PIN4: variants seen among roughly 807,000 people sequenced by gnomAD.
PIN4 encodes the protein peptidylprolyl cis/trans isomerase, NIMA-interacting 4.
Under a neutral mutation model 8.3 loss-of-function variants are expected in PIN4, and 3 were observed. That is an observed-to-expected ratio of 0.36 (90% CI 0.16 to 0.93). PIN4 has a LOEUF of 0.93. Ranked by LOEUF, PIN4 falls within the 40% of genes least tolerant of loss-of-function variation. PIN4 has a pLI of 0.44. For missense variants in PIN4, 75 were observed against 100.6 expected (o/e 0.75, Z 1.09); for synonymous variants, 18 against 32.5 (o/e 0.55, Z 1.52).
At chrX:72,203,146 A>G (rs1337097690), downstream of PIN4, among the ~76,000 whole-genome samples, 2 of 111,727 alleles carry the variant, frequency 1.8e-5, no homozygotes, top group Non-Finnish European at 3.8e-5. Flanking sequence ...AACCTTAACA[A>G]TGGAGTTTGG....
intron 3 of PIN4, among the ~76,000 whole-genome samples, chrX:72,249,324 G>T (rs1305274268): frequency 8.9e-6 from 1 of 112,458 alleles, no homozygotes; most frequent in Non-Finnish European, 1.9e-5. Context: ...TGTTAGCAAA[G>T]ATATGGAACA....
chrX:72,199,805 ATGGACCTC>A (rs59979642), downstream of PIN4, among the ~76,000 whole-genome samples: 28,529 of 111,168 alleles, frequency 0.26, 2,795 homozygotes, highest in East Asian at 0.49. Context: ...TAAGGCAGGA[ATGGACCTC>A]TGACACCAAG....
At chrX:72,231,289 A>G (rs984524935) in intron 3 of PIN4, among the ~76,000 whole-genome samples, 2 of 112,084 alleles carry the variant, frequency 1.8e-5, no homozygotes, top group African/African-American at 6.5e-5. Context: ...AACCTAAAAG[A>G]CATTTTGCTA....
chrX:72,261,984 C>T (rs1431617229), intron 3 of PIN4, among the ~76,000 whole-genome samples: 1 of 110,573 alleles, frequency 9.0e-6, no homozygotes, highest in East Asian at 2.9e-4. Context: ...CCTTTTATCT[C>T]TCTAAGTCCC....
intron 3 of PIN4, among the ~76,000 whole-genome samples, chrX:72,240,088 CAAA>C (rs750258594): frequency 2.1e-5 from 1 of 48,213 alleles, no homozygotes. Flanking sequence ...GACTCCATCT[CAAA>C]AAAAAAAAAA....
At chrX:72,238,696 T>A in intron 3 of PIN4, 1 of 488,736 alleles carries the variant, frequency 2.0e-6, no homozygotes, top group Non-Finnish European at 3.4e-6. Context: ...CAGAGCTGAC[T>A]CCCACACCCT....
intron 1 of PIN4, among the ~76,000 whole-genome samples, chrX:72,185,148 A>AAAAAAAAAG (rs1491329052): frequency 5.5e-5 from 1 of 18,069 alleles, no homozygotes; most frequent in Non-Finnish European, 1.1e-4. Flanking sequence ...ACTCCGTCTC[A>AAAAAAAAAG]AAAAAAAAAA....
intron 3 of PIN4, among the ~76,000 whole-genome samples, chrX:72,217,855 T>C (rs181012110): frequency 2.7e-5 from 3 of 112,079 alleles, no homozygotes; most frequent in African/African-American, 9.7e-5. Context: ...TTCTATTCCA[T>C]TGATCTATAT....
intron 3 of PIN4, among the ~76,000 whole-genome samples, chrX:72,245,564 A>G (rs759646187): frequency 1.8e-5 from 2 of 111,440 alleles, no homozygotes; most frequent in Admixed American, 1.9e-4. Context: ...ATTTGGGGGT[A>G]GGGGATAGAA....
At chrX:72,182,270 G>A (rs1003441114) in intron 1 of PIN4, among the ~76,000 whole-genome samples, 3 of 112,193 alleles carry the variant, frequency 2.7e-5, no homozygotes, top group Non-Finnish European at 5.6e-5. Flanking sequence ...GGCTGGGCGC[G>A]GTGGCTCACG....
At chrX:72,232,683 A>G (rs1445089594) in intron 3 of PIN4, among the ~76,000 whole-genome samples, 1 of 111,201 alleles carries the variant, frequency 9.0e-6, no homozygotes, top group Non-Finnish European at 1.9e-5. Context: ...GGTGGCACCC[A>G]CCTGTAATCC....
At chrX:72,208,760 T>G in intron 3 of PIN4, 1 of 956,100 alleles carries the variant, frequency 1.0e-6, no homozygotes, top group Non-Finnish European at 1.4e-6. Flanking sequence ...TAAGAATGCT[T>G]TAGAGTTCAT....
chrX:72,205,761 C>T (rs1384452338), intron 3 of PIN4: 4 of 1,211,808 alleles, frequency 3.3e-6, no homozygotes, highest in South Asian at 3.5e-5. Context: ...TCTCAGAAAA[C>T]TCCCAACTGA....
At chrX:72,217,244 A>G (rs2042891623) in intron 3 of PIN4, among the ~76,000 whole-genome samples, 1 of 110,953 alleles carries the variant, frequency 9.0e-6, no homozygotes, top group African/African-American at 3.3e-5. Context: ...GAGTTCAACA[A>G]CCCTGCCTGC....
downstream of PIN4, among the ~76,000 whole-genome samples, chrX:72,201,758 A>T (rs759960791): frequency 1.8e-5 from 2 of 113,103 alleles, no homozygotes; most frequent in East Asian, 2.8e-4. Flanking sequence ...TCTACTGGTG[A>T]CATAACATGT....
chrX:72,197,713 A>T lies in PIN4; in HGVS notation c.*187A>T. 1.0e-6 allele frequency: 1 copy of T among 1,003,828 alleles called. No homozygotes were observed. The highest frequency in any genetic ancestry group is 1.3e-6 in the Non-Finnish European group (1 of 791,517). The allele number at this position is 1,003,828 out of a possible 1,213,427, so 82.7% of individuals were successfully genotyped here. A position where few individuals can be genotyped will look rare whatever the true frequency, so the allele number is the denominator to read the frequency against. On this transcript the variant is annotated 3_prime_UTR_variant, in exon 4 of 4. Transcript: ENST00000373669. ...TGTAAGAGAGGGTGGGGCTAAGTGA[A>T]TGTCAACTGTAGTAGGTATTCAGTC... is the stretch of plus-strand genomic sequence containing the variant.
chrX:72,187,357 A>G (rs1217869147), intron 2 of PIN4, among the ~76,000 whole-genome samples: 1 of 112,235 alleles, frequency 8.9e-6, no homozygotes, highest in Non-Finnish European at 1.9e-5. Context: ...AGTAAGTGCT[A>G]TGTAACAAGG....
chrX:72,194,401 C>T (rs1428098505), intron 2 of PIN4, among the ~76,000 whole-genome samples: 3 of 111,295 alleles, frequency 2.7e-5, no homozygotes, highest in Admixed American at 9.5e-5. Flanking sequence ...GGTGTGGTGG[C>T]GCGTGCCTGT....
chrX:72,259,502 G>A (rs4545226), intron 3 of PIN4, among the ~76,000 whole-genome samples: 8,056 of 109,610 alleles, frequency 0.073, 483 homozygotes, highest in East Asian at 0.48. Flanking sequence ...TTTCAGGCAT[G>A]AGCCACCATG....
Sources: gnomAD v4.1 joint callset for allele counts (sites outside exome capture counted in the v4.1 genomes callset) on GRCh38, gnomAD v4.1.1 for gene constraint, MANE v1.5 for transcripts, NCBI Gene and HGNC (gene_info 2026-07-23, HGNC 2026-07-21) for gene names.